The following ATP8A2 variants were observed in gnomAD, a reference collection of about 807,000 sequenced individuals.
ATP8A2 encodes phospholipid-transporting ATPase IB.
Under a neutral mutation model 165.6 loss-of-function variants are expected in ATP8A2, and 100 were observed. The observed-to-expected ratio is 0.60, with a 90% CI of 0.51 to 0.71. The LOEUF is 0.71. Ranked by LOEUF, ATP8A2 falls within the 30% of genes least tolerant of loss-of-function variation. The pLI is 0.00. For missense variants in ATP8A2, 1,227 were observed against 1,479.5 expected (o/e 0.83, Z 2.80); for synonymous variants, 543 against 548.8 (o/e 0.99, Z 0.15).
chr13:25,575,176 A>G (rs1455839168), intron 19 of ATP8A2, among the ~76,000 whole-genome samples: 1 of 152,148 alleles, frequency 6.6e-6, no homozygotes, highest in Non-Finnish European at 1.5e-5. Flanking sequence ...TGATGGGGGC[A>G]TTATTTTCAT....
At chr13:25,448,605 A>G (rs965043089) in intron 1 of ATP8A2, among the ~76,000 whole-genome samples, 5 of 152,180 alleles carry the variant, frequency 3.3e-5, no homozygotes, top group African/African-American at 9.7e-5. Flanking sequence ...AAATAGCTGC[A>G]TAGTAGTCTC....
intron 1 of ATP8A2, among the ~76,000 whole-genome samples, chr13:25,383,394 G>T (rs551757046): frequency 2.0e-4 from 30 of 152,082 alleles, no homozygotes; most frequent in Non-Finnish European, 4.0e-4. Context: ...TGTGCCTTTT[G>T]TCCATCTTTT....
Position 25,559,073 on chromosome 13 carries a change from T to C in ATP8A2, c.1352+12T>C, listed in dbSNP as rs1302092856. On this transcript the variant is annotated intron_variant, in intron 14 of 36. Transcript: ENST00000381655. ...GGAGTAACCTATGGGTCAGTGTGTT[T>C]ATCATTTACTGAAAATTTACTTGTA... 6.5e-7 allele frequency: 1 copy of C among 1,548,884 alleles called. No homozygotes were observed. The highest frequency in any genetic ancestry group is 8.8e-7 in the Non-Finnish European group (1 of 1,134,740).
chr13:25,422,328 C>CAACA (rs1397676709), intron 1 of ATP8A2, among the ~76,000 whole-genome samples: 1 of 152,072 alleles, frequency 6.6e-6, no homozygotes, highest in Non-Finnish European at 1.5e-5. Flanking sequence ...AAGCATTGAC[C>CAACA]TGTTTGTAAG....
intron 27 of ATP8A2, among the ~76,000 whole-genome samples, chr13:25,819,662 T>TG (rs1003552874): frequency 9.2e-5 from 14 of 152,242 alleles, no homozygotes; most frequent in African/African-American, 3.1e-4. Context: ...TTTTGTTTTT[T>TG]TTTTTGTCTG....
At chr13:25,769,284 A>C in intron 26 of ATP8A2, 55 bp downstream of exon 26, 2 of 1,544,986 alleles carry the variant, frequency 1.3e-6, no homozygotes, top group Non-Finnish European at 1.8e-6. Context: ...ATAGCTGGGC[A>C]TGAGGACCTG....
intron 23 of ATP8A2, among the ~76,000 whole-genome samples, chr13:25,587,326 A>G (rs1262269694): frequency 6.6e-6 from 1 of 152,216 alleles, no homozygotes; most frequent in Non-Finnish European, 1.5e-5. Flanking sequence ...CCAAACTAAA[A>G]ACAGCAACAA....
At chr13:25,457,591 G>T (rs981776956) in intron 1 of ATP8A2, among the ~76,000 whole-genome samples, 4 of 152,166 alleles carry the variant, frequency 2.6e-5, no homozygotes, top group African/African-American at 9.7e-5. Flanking sequence ...AGAATGCTTA[G>T]AACAGTGGTA....
chr13:25,927,378 A>G (rs1033809164), intron 33 of ATP8A2: 6 of 352,422 alleles, frequency 1.7e-5, no homozygotes, highest in African/African-American at 1.1e-4. Flanking sequence ...GGGGCCCCCA[A>G]ATGATTCCCA....
intron 25 of ATP8A2, among the ~76,000 whole-genome samples, chr13:25,712,846 G>GT (rs1024905146): frequency 3.9e-5 from 6 of 152,258 alleles, no homozygotes; most frequent in Admixed American, 3.9e-4. Context: ...GTAAGAGATA[G>GT]TAGCCTTAAG....
chr13:25,741,264 T>G (rs1283949347), intron 25 of ATP8A2, among the ~76,000 whole-genome samples: 1 of 152,230 alleles, frequency 6.6e-6, no homozygotes, highest in Non-Finnish European at 1.5e-5. Flanking sequence ...GCCTCATTTC[T>G]TAAGACATCG....
At chr13:25,623,388 T>C (rs1181478876) in intron 24 of ATP8A2, among the ~76,000 whole-genome samples, 1 of 152,112 alleles carries the variant, frequency 6.6e-6, no homozygotes, top group Non-Finnish European at 1.5e-5. Context: ...AGAGTGAGAC[T>C]TAGTCTCCAC....
chr13:25,560,904 T>G (rs2039127850), intron 15 of ATP8A2, among the ~76,000 whole-genome samples: 1 of 151,292 alleles, frequency 6.6e-6, no homozygotes, highest in African/African-American at 2.4e-5. Context: ...TTTTTTTTTT[T>G]GAGACGGAGT....
At chr13:25,829,688 A>G (rs1951411558) in intron 28 of ATP8A2, among the ~76,000 whole-genome samples, 3 of 48,730 alleles carry the variant, frequency 6.2e-5, no homozygotes, top group Admixed American at 2.2e-4. Context: ...ATATATATAT[A>G]TATATATATA....
intron 30 of ATP8A2, among the ~76,000 whole-genome samples, chr13:25,853,892 A>G (rs547469480): frequency 2.6e-4 from 40 of 152,356 alleles, no homozygotes; most frequent in African/African-American, 8.7e-4. Flanking sequence ...CCTATCTGAT[A>G]GGAGCCTTAG....
chr13:25,545,006 G>A (rs1188972878), intron 10 of ATP8A2, among the ~76,000 whole-genome samples: 4 of 151,308 alleles, frequency 2.6e-5, no homozygotes, highest in African/African-American at 9.7e-5. Flanking sequence ...TACCTTCAGA[G>A]GCCAAAGGAT....
intron 35 of ATP8A2, among the ~76,000 whole-genome samples, chr13:26,007,869 A>G (rs1371036755): frequency 1.3e-5 from 2 of 152,174 alleles, no homozygotes; most frequent in Non-Finnish European, 2.9e-5. Context: ...AACCCTATGC[A>G]TAAAGTTGCA....
chr13:25,480,210 G>A (rs2137575627), intron 2 of ATP8A2, among the ~76,000 whole-genome samples: 1 of 151,008 alleles, frequency 6.6e-6, no homozygotes, highest in African/African-American at 2.4e-5. Flanking sequence ...GGCTGGCCGG[G>A]CAGAGGGGCT....
Position 25,407,986 on chromosome 13 carries a change from G to A in ATP8A2, c.76+35698G>A, listed in dbSNP as rs906211796. On this transcript the variant is annotated intron_variant, in intron 1 of 36. Transcript: ENST00000381655. ...ATGCGGGGCTTAAAACCTCGATGAC[G>A]GGTTGGTCAGTGCAGCAAACCACCA... Among the ~76,000 whole-genome samples the A allele has an allele frequency of 1.2e-4, 19 of 152,080 alleles. 1 individual carries two copies. Among genetic ancestry groups the A allele is most frequent in the Admixed American group, 7.9e-4 (12 of 15,270 alleles).
Sources: allele counts gnomAD v4.1 joint callset (sites outside exome capture counted in the v4.1 genomes callset), GRCh38; gene constraint gnomAD v4.1.1; transcripts MANE v1.5; gene names NCBI Gene and HGNC (gene_info 2026-07-23, HGNC 2026-07-21).